The following RGL1 variants were observed in gnomAD, a reference collection of about 807,000 sequenced individuals.
RGL1 encodes the protein ral guanine nucleotide dissociation stimulator like 1.
Under a neutral mutation model 95.2 loss-of-function variants are expected in RGL1, and 24 were observed. The observed-to-expected ratio is 0.25, with a 90% CI of 0.18 to 0.35. RGL1 has a LOEUF of 0.35. Ranked by LOEUF, RGL1 falls within the 10% of genes least tolerant of loss-of-function variation. The probability of loss-of-function intolerance (pLI) is 1.00; values close to 1 mark genes in which losing one functional copy is unlikely to be tolerated. For synonymous variants in RGL1, 329 were observed against 344.9 expected, an observed-to-expected ratio of 0.95 and a Z score of 0.51; for missense variants, 715 against 936.3, an observed-to-expected ratio of 0.76 and a Z score of 3.08.
At chr1:183,648,023 T>C in intron 1 of RGL1, 1 of 1,614,188 alleles carries the variant, frequency 6.2e-7, no homozygotes, top group African/African-American at 1.3e-5. Context: ...CCTCCTGAGC[T>C]TTTGTGTTTG....
chr1:183,648,150 A>G (rs751758666), intron 1 of RGL1: 2 of 1,614,210 alleles, frequency 1.2e-6, no homozygotes, highest in Non-Finnish European at 1.7e-6. Context: ...AATGGGCTGA[A>G]AAACATGTGA....
chr1:183,668,879 CTGTTA>C (rs1652228398), intron 1 of RGL1, among the ~76,000 whole-genome samples: 1 of 147,870 alleles, frequency 6.8e-6, no homozygotes, highest in Non-Finnish European at 1.5e-5. Flanking sequence ...TTTGGATATT[CTGTTA>C]TGAGTTTTTA....
chr1:183,693,243 C>A (rs1299783488), intron 1 of RGL1, among the ~76,000 whole-genome samples: 1 of 152,048 alleles, frequency 6.6e-6, no homozygotes, highest in African/African-American at 2.4e-5. Context: ...CATGAGCCAC[C>A]GTGCCCAGCC....
At chr1:183,914,512 C>A (rs2102738317) in intron 15 of RGL1, among the ~76,000 whole-genome samples, 1 of 152,312 alleles carries the variant, frequency 6.6e-6, no homozygotes, top group African/African-American at 2.4e-5. Context: ...CTGACCTCCA[C>A]ACTTCCTTCC....
intron 2 of RGL1, among the ~76,000 whole-genome samples, chr1:183,767,869 C>T (rs564597651): frequency 6.6e-6 from 1 of 152,144 alleles, no homozygotes; most frequent in South Asian, 2.1e-4. Context: ...AGGAGAATCG[C>T]TTGAACCCAG....
At chr1:183,667,686 T>C (rs921160859) in intron 1 of RGL1, among the ~76,000 whole-genome samples, 4 of 152,234 alleles carry the variant, frequency 2.6e-5, no homozygotes, top group African/African-American at 9.6e-5. Context: ...TATTTAATAC[T>C]GTTTTTTATT....
chr1:183,842,268 T>G (rs936427748), intron 2 of RGL1, among the ~76,000 whole-genome samples: 1 of 152,154 alleles, frequency 6.6e-6, no homozygotes, highest in Non-Finnish European at 1.5e-5. Flanking sequence ...CTAATGAGGT[T>G]GTTTGCTTAA....
intron 1 of RGL1, chr1:183,647,649 A>G (rs145369915): frequency 1.3e-6 from 2 of 1,548,472 alleles, no homozygotes; most frequent in Non-Finnish European, 1.7e-6. Flanking sequence ...TCCCTTGGTA[A>G]TTGGTTTCAT....
rs150367802 is a variant in RGL1, at chr1:183,849,482, A to AATTTTTTTTT, written c.347+1708_347+1709insATTTTTTTTT. Reference sequence around the variant, plus strand: ...GACATTTAAGTTTTCTCCAGTTTTTAGTTTTTTTTTTTTTTTTTTTTTTTG... The same window carrying AATTTTTTTTT: ...GACATTTAAGTTTTCTCCAGTTTTTAATTTTTTTTTGTTTTTTTTTTTTTTTTTTTTTTTG... On this transcript the variant is annotated intron_variant, in intron 3 of 17. Transcript: ENST00000360851. Among the ~76,000 whole-genome samples the AATTTTTTTTT allele has an allele frequency of 1.4e-3, 136 of 99,422 alleles. 1 individual carries two copies. Among genetic ancestry groups the AATTTTTTTTT allele is most frequent in the East Asian group, 2.8e-3 (9 of 3,228 alleles). The allele number at this position is 99,422 out of a possible 152,430, so 65.2% of individuals were successfully genotyped here. A position where few individuals can be genotyped will look rare whatever the true frequency, so the allele number is the denominator to read the frequency against.
intron 1 of RGL1, among the ~76,000 whole-genome samples, chr1:183,691,544 T>C (rs1653944318): frequency 6.6e-6 from 1 of 152,164 alleles, no homozygotes; most frequent in Non-Finnish European, 1.5e-5. Context: ...AGCCCAGTAA[T>C]TGAGGAACAA....
intron 1 of RGL1, among the ~76,000 whole-genome samples, chr1:183,720,993 T>TA (rs746911182): frequency 3.3e-5 from 5 of 152,068 alleles, no homozygotes; most frequent in African/African-American, 1.2e-4. Context: ...GCGAGGGAAA[T>TA]AAAAAACCCC....
intron 3 of RGL1, among the ~76,000 whole-genome samples, 173 bp downstream of exon 3, chr1:183,847,947 A>G (rs771749612): frequency 6.6e-6 from 1 of 152,212 alleles, no homozygotes; most frequent in Admixed American, 6.5e-5. Flanking sequence ...GGAGCCACTT[A>G]TGGTCTGTTG....
In RGL1 at chr1:183,889,945, AAG is replaced by A. The variant is rs113774880; in HGVS notation, c.1055+1374_1055+1375del. Reference sequence around the variant, plus strand: ...ATAATCAAGGTGATTGTGTGTATTAAAGAGAGATTAGTTGGTTGATTTTCCTC... The same window carrying A: ...ATAATCAAGGTGATTGTGTGTATTAAAGAGATTAGTTGGTTGATTTTCCTC... On this transcript the variant is annotated intron_variant, in intron 8 of 17. Transcript: ENST00000360851. Among the ~76,000 whole-genome samples the A allele has an allele frequency of 2.1e-3, 319 of 152,162 alleles. 3 individuals carry two copies. The highest frequency in any genetic ancestry group is 7.2e-3 in the African/African-American group (299 of 41,528).
intron 1 of RGL1, among the ~76,000 whole-genome samples, chr1:183,700,460 T>A (rs1398863015): frequency 1.3e-5 from 2 of 151,914 alleles, no homozygotes; most frequent in Non-Finnish European, 2.9e-5. Flanking sequence ...GACTTTAAGT[T>A]CTGGGATACA....
In RGL1 at chr1:183,912,262, A is replaced by G. The variant is rs779378047; in HGVS notation, c.1743A>G (p.Gln581=). The change falls in exon 15 of 18, where the codon CAA becomes CAG. Residue 581 remains glutamine, a synonymous_variant. Coordinates refer to ENST00000360851, the MANE Select transcript of RGL1 (RefSeq NM_001297671.3). ...CCATGGACACCCCTGATGAGCCTCA[A>G]AAAAAGGTATATACTCAACCCTTCT... The part of the protein sequence containing the change: ...ITPMDTPDEP[Q]KKLSESSSSC... 14 of 1,613,694 alleles carry G rather than the reference A, an allele frequency of 8.7e-6. No homozygotes were observed. In the African/African-American group the frequency reaches 1.5e-4, roughly 17 times the overall value.
chr1:183,813,049 G>C (rs1469764770), intron 2 of RGL1, among the ~76,000 whole-genome samples: 1 of 152,194 alleles, frequency 6.6e-6, no homozygotes, highest in African/African-American at 2.4e-5. Context: ...GACAGCTGCA[G>C]GGGAGATGCA....
chr1:183,908,585 T>A (rs1050691852), intron 14 of RGL1, among the ~76,000 whole-genome samples: 7 of 152,204 alleles, frequency 4.6e-5, no homozygotes, highest in African/African-American at 1.7e-4. Flanking sequence ...TCTTTGCAGA[T>A]ATGGGGGAAT....
intron 4 of RGL1, among the ~76,000 whole-genome samples, chr1:183,879,753 G>A (rs984095823): frequency 5.3e-5 from 8 of 152,206 alleles, no homozygotes; most frequent in Admixed American, 2.6e-4. Flanking sequence ...TAGAATAATA[G>A]CATGCAAAAC....
At chr1:183,714,961 C>T (rs1211296432) in intron 1 of RGL1, among the ~76,000 whole-genome samples, 3 of 152,096 alleles carry the variant, frequency 2.0e-5, no homozygotes, top group African/African-American at 7.2e-5. Context: ...TGATTCTGAT[C>T]GAGCCATTGC....
Sources: allele counts gnomAD v4.1 joint callset (sites outside exome capture counted in the v4.1 genomes callset), GRCh38; gene constraint gnomAD v4.1.1; transcripts MANE v1.5; gene names NCBI Gene and HGNC (gene_info 2026-07-23, HGNC 2026-07-21).